SORCS3: variants seen among roughly 807,000 people sequenced by gnomAD.
The protein encoded by SORCS3 is VPS10 domain-containing receptor SorCS3.
In SORCS3, 57 loss-of-function variants were observed where a neutral mutation model predicts 146.3. The ratio of observed to expected loss-of-function variants is 0.39; its 90% confidence interval spans 0.31 to 0.49. SORCS3 has a LOEUF of 0.49. Among genes scored for constraint, SORCS3 ranks in the 20% least tolerant of loss-of-function variants. The pLI, the probability that SORCS3 is intolerant of heterozygous loss-of-function variation, is 0.92. For synonymous variants in SORCS3, 653 were observed against 618.5 expected (o/e 1.06, Z -0.83); for missense variants, 1,341 against 1,575.5 (o/e 0.85, Z 2.52).
chr10:104,753,964 A>G (rs1302668916), intron 1 of SORCS3, among the ~76,000 whole-genome samples: 2 of 152,224 alleles, frequency 1.3e-5, no homozygotes, highest in Non-Finnish European at 2.9e-5. Context: ...TCATAGTTAC[A>G]TCCTGTAAAG....
intron 6 of SORCS3, among the ~76,000 whole-genome samples, chr10:105,091,149 C>T (rs2055699542): frequency 7.5e-6 from 1 of 133,464 alleles, no homozygotes; most frequent in Non-Finnish European, 1.6e-5. Context: ...TTTCCTTGCC[C>T]CTTCCCTTCC....
chr10:105,032,905 G>A (rs570579170), intron 4 of SORCS3, among the ~76,000 whole-genome samples: 2 of 152,272 alleles, frequency 1.3e-5, no homozygotes, highest in Admixed American at 6.5e-5. Flanking sequence ...AGAGGGTGGG[G>A]TGGGAATGTG....
rs557369304 is a variant in SORCS3, at chr10:104,903,400, G to T, written c.696-12433G>T. 1.8e-3 allele frequency among the ~76,000 whole-genome samples: 267 copies of T among 152,206 alleles called. 1 individual carries two copies. Among genetic ancestry groups the T allele is most frequent in the Admixed American group, 3.1e-3 (48 of 15,290 alleles). ...ACAAGAGACTATGGAAATCAGAGGG[G>T]ACAGGGCAAATTGTGCTGTAGATAT... On this transcript the variant is annotated intron_variant, in intron 2 of 26. Transcript: ENST00000369701.
intron 1 of SORCS3, among the ~76,000 whole-genome samples, chr10:104,760,135 G>T (rs1172067732): frequency 6.6e-6 from 1 of 152,066 alleles, no homozygotes; most frequent in Non-Finnish European, 1.5e-5. Flanking sequence ...GGTGTGTTCA[G>T]GATGGAGTGC....
chr10:104,925,677 G>A (rs1315122184), intron 3 of SORCS3, among the ~76,000 whole-genome samples: 7 of 152,130 alleles, frequency 4.6e-5, no homozygotes, highest in Admixed American at 4.6e-4. Context: ...CTGCAGGTAT[G>A]GCAGACAATG....
rs147594428 is a variant in SORCS3 at position 104,835,694 on chromosome 10, C to T, written c.628-7098C>T. Among the ~76,000 whole-genome samples the T allele has an allele frequency of 1.4e-3, 213 of 152,276 alleles. 2 individuals are homozygous for T. Among genetic ancestry groups the T allele is most frequent in the African/African-American group, 4.3e-3 (180 of 41,568 alleles). ...GTGAGAGAACACTGGCTCTGATTTG[C>T]GGCCTCCTGCATTGCAGTTAGGGTC... On this transcript the variant is annotated intron_variant, in intron 1 of 26. Transcript: ENST00000369701.
chr10:105,232,130 A>T (rs1037271009), intron 20 of SORCS3, among the ~76,000 whole-genome samples: 21 of 152,236 alleles, frequency 1.4e-4, no homozygotes, highest in Middle Eastern at 6.8e-3. Flanking sequence ...TTTCTCCCTT[A>T]AATGTTTAGT....
chr10:104,761,999 A>G (rs2017126942), intron 1 of SORCS3, among the ~76,000 whole-genome samples: 1 of 152,176 alleles, frequency 6.6e-6, no homozygotes, highest in Admixed American at 6.5e-5. Context: ...AACTTCCGAA[A>G]CCAAATTTCA....
At chr10:104,961,756 A>G (rs960099294) in intron 3 of SORCS3, among the ~76,000 whole-genome samples, 1 of 152,166 alleles carries the variant, frequency 6.6e-6, no homozygotes, top group Non-Finnish European at 1.5e-5. Flanking sequence ...AGATGAAGCT[A>G]GCTTCTCTGT....
At chr10:105,252,952 C>A (rs745823037) in intron 23 of SORCS3, 46 bp downstream of exon 23, 18 of 1,590,000 alleles carry the variant, frequency 1.1e-5, no homozygotes, top group Non-Finnish European at 1.5e-5. Flanking sequence ...GCACCCTACA[C>A]CCTGAGAGGG....
intron 16 of SORCS3, among the ~76,000 whole-genome samples, chr10:105,208,859 T>C (rs2056617688): frequency 6.6e-6 from 1 of 152,200 alleles, no homozygotes; most frequent in Non-Finnish European, 1.5e-5. Context: ...ACTGTCAGAC[T>C]GAGATCTCCA....
At chr10:104,706,443 G>C (rs1423114995) in intron 1 of SORCS3, among the ~76,000 whole-genome samples, 1 of 151,922 alleles carries the variant, frequency 6.6e-6, no homozygotes, top group Admixed American at 6.6e-5. Context: ...TCTTGACCTC[G>C]TGATCCGCCC....
At chr10:104,653,723 G>A (rs1390371487) in intron 1 of SORCS3, among the ~76,000 whole-genome samples, 6 of 152,102 alleles carry the variant, frequency 3.9e-5, no homozygotes, top group South Asian at 2.1e-4. Context: ...AGATGTTTTG[G>A]TACAGATATG....
At chr10:104,660,858 T>C (rs1309321064) in intron 1 of SORCS3, among the ~76,000 whole-genome samples, 2 of 152,214 alleles carry the variant, frequency 1.3e-5, no homozygotes, top group African/African-American at 4.8e-5. Flanking sequence ...AAAGCTCCCA[T>C]GAGAGGAGAG....
chr10:105,146,315 T>C (rs2056130812), intron 8 of SORCS3, among the ~76,000 whole-genome samples: 1 of 152,058 alleles, frequency 6.6e-6, no homozygotes, highest in Admixed American at 6.6e-5. Context: ...TGTAAACTAC[T>C]AGGTGTGATT....
chr10:105,016,134 A>AATATATATATATATATATATATAT (rs1355412638), intron 4 of SORCS3, among the ~76,000 whole-genome samples: 33 of 113,632 alleles, frequency 2.9e-4, no homozygotes, highest in Middle Eastern at 5.3e-3. Flanking sequence ...ATATTATATA[A>AATATATATATATATATATATATAT]ATATATATAT....
chr10:104,865,091 T>C (rs2018445384), intron 2 of SORCS3, among the ~76,000 whole-genome samples: 1 of 152,180 alleles, frequency 6.6e-6, no homozygotes, highest in South Asian at 2.1e-4. Flanking sequence ...ACATCTTATG[T>C]AGGGGTTATT....
At position 104,867,531 on chromosome 10, in the gene SORCS3, G is replaced by A. The variant is rs368416104; in HGVS notation, c.695+24672G>A. ...TCATCATGTTAACCAGGATGGTCTC[G>A]ATCTCCTGACCTCATGATCTGCCCG... On this transcript the variant is annotated intron_variant, in intron 2 of 26. Coordinates refer to ENST00000369701, the MANE Select transcript of SORCS3 (RefSeq NM_014978.3). Among the ~76,000 whole-genome samples the A allele has an allele frequency of 4.6e-5, 7 of 152,078 alleles. No individual in the cohort carries two copies. The East Asian group carries it at 1.4e-3, about 30-fold the overall frequency.
At chr10:104,735,878 A>C (rs2016765577) in intron 1 of SORCS3, among the ~76,000 whole-genome samples, 1 of 152,210 alleles carries the variant, frequency 6.6e-6, no homozygotes, top group East Asian at 1.9e-4. Context: ...CTTTCCCTCT[A>C]ATCTGACCAC....
Sources: gnomAD v4.1 joint callset for allele counts (sites outside exome capture counted in the v4.1 genomes callset) on GRCh38, gnomAD v4.1.1 for gene constraint, MANE v1.5 for transcripts, NCBI Gene and HGNC (gene_info 2026-07-23, HGNC 2026-07-21) for gene names.